The following RIC1 variants were observed in gnomAD, a reference collection of about 807,000 sequenced individuals.
RIC1 encodes RIC1 partner of RAB6A GEF complex.
Under a neutral mutation model 169.0 loss-of-function variants are expected in RIC1, and 88 were observed. The observed-to-expected ratio is 0.52, with a 90% CI of 0.44 to 0.62. RIC1 has a LOEUF of 0.62. RIC1 is among the 20% of genes least tolerant of loss of function. RIC1 has a pLI of 0.00. For missense variants in RIC1, 1,877 were observed against 1,725.5 expected, an observed-to-expected ratio of 1.09 and a Z score of -1.56; for synonymous variants, 790 against 601.5, an observed-to-expected ratio of 1.31 and a Z score of -4.59.
intron 3 of RIC1, among the ~76,000 whole-genome samples, chr9:5,709,249 G>A (rs1333495629): frequency 2.6e-5 from 4 of 152,190 alleles, no homozygotes; most frequent in East Asian, 1.9e-4. Flanking sequence ...GTCCAGATAC[G>A]AAAAACATTA....
At chr9:5,649,787 C>T (rs1586878989) in intron 1 of RIC1, among the ~76,000 whole-genome samples, 1 of 151,254 alleles carries the variant, frequency 6.6e-6, no homozygotes, top group South Asian at 2.1e-4. Flanking sequence ...GATGTCTGTA[C>T]CTCTGGTGTA....
Position 5,733,181 on chromosome 9 carries a change from A to G in RIC1, c.812+702A>G, listed in dbSNP as rs546978995. Reference sequence around the variant, plus strand: ...AATAAAAAATCCTATGTTGCCCTCAAAATGAGACTTGGTTGTTCTATAGAA... The same window carrying G: ...AATAAAAAATCCTATGTTGCCCTCAGAATGAGACTTGGTTGTTCTATAGAA... On this transcript the variant is annotated intron_variant, in intron 7 of 25. Coordinates refer to ENST00000414202, the MANE Select transcript of RIC1 (RefSeq NM_020829.4). Among the ~76,000 whole-genome samples the G allele has an allele frequency of 1.7e-4, 26 of 152,074 alleles. No homozygotes were observed. The South Asian group carries it at 3.5e-3, about 21-fold the overall frequency.
intron 2 of RIC1, among the ~76,000 whole-genome samples, chr9:5,659,371 ATGTCAACCCAT>A (rs1425674361): frequency 3.9e-5 from 6 of 152,262 alleles, no homozygotes; most frequent in Non-Finnish European, 7.4e-5. Context: ...GATATAAGTC[ATGTCAACCCAT>A]TGTCAACCCA....
chr9:5,695,922 C>T (rs903340923), intron 3 of RIC1, among the ~76,000 whole-genome samples: 4 of 151,264 alleles, frequency 2.6e-5, no homozygotes, highest in Non-Finnish European at 4.4e-5. Context: ...TCACTTACCC[C>T]CTGCCAAGCC....
intron 1 of RIC1, among the ~76,000 whole-genome samples, chr9:5,650,047 G>A (rs552824405): frequency 2.0e-5 from 3 of 152,260 alleles, no homozygotes; most frequent in Admixed American, 6.5e-5. Flanking sequence ...TGCTAGGTAG[G>A]CCAGTCCTTG....
In RIC1 at chr9:5,705,870, C is replaced by T. The variant is rs117296097; in HGVS notation, c.333-8026C>T. On this transcript the variant is annotated intron_variant, in intron 3 of 25. Transcript: ENST00000414202. Reference sequence around the variant, plus strand: ...TCTTAAAAGATTATTACTATTTTTTCAGATGCTTTTTCTGCATGAATTGAA... The same window carrying T: ...TCTTAAAAGATTATTACTATTTTTTTAGATGCTTTTTCTGCATGAATTGAA... Among the ~76,000 whole-genome samples the T allele has an allele frequency of 7.4e-3, 1,121 of 152,200 alleles. 7 individuals are homozygous for T. Among genetic ancestry groups the T allele is most frequent in the Non-Finnish European group, 0.01 (694 of 68,002 alleles).
chr9:5,631,032 T>C (rs1015311739), intron 1 of RIC1, among the ~76,000 whole-genome samples: 1 of 152,210 alleles, frequency 6.6e-6, no homozygotes, highest in Non-Finnish European at 1.5e-5. Context: ...CTAACTTAAT[T>C]TTAAATAAAA....
At chr9:5,769,776 G>A (rs951277985) in intron 22 of RIC1, 3 of 273,658 alleles carry the variant, frequency 1.1e-5, no homozygotes, top group Non-Finnish European at 2.0e-5. Context: ...TTTTAACTTT[G>A]GCATTTGGAA....
chr9:5,739,048 A>C (rs1464462157), intron 8 of RIC1, among the ~76,000 whole-genome samples: 1 of 152,096 alleles, frequency 6.6e-6, no homozygotes, highest in South Asian at 2.1e-4. Context: ...GAGAAGTGCA[A>C]TTATAGGGTT....
chr9:5,727,661 C>T (rs985516799), intron 6 of RIC1, among the ~76,000 whole-genome samples: 1 of 152,144 alleles, frequency 6.6e-6, no homozygotes, highest in African/African-American at 2.4e-5. Flanking sequence ...CTGGTTTCTC[C>T]CCATCTTTGG....
intron 6 of RIC1, among the ~76,000 whole-genome samples, chr9:5,721,651 G>A (rs1178518682): frequency 6.6e-6 from 1 of 152,148 alleles, no homozygotes. Flanking sequence ...GGCACTTTTT[G>A]GGCTTGAAAG....
chr9:5,671,695 AGAAGATAG>A (rs2130570507), intron 2 of RIC1, among the ~76,000 whole-genome samples: 1 of 152,304 alleles, frequency 6.6e-6, no homozygotes, highest in South Asian at 2.1e-4. Context: ...CTAAATTCTG[AGAAGATAG>A]AAGGACTAAG....
chr9:5,637,709 G>A (rs190190028), intron 1 of RIC1, among the ~76,000 whole-genome samples: 8 of 152,110 alleles, frequency 5.3e-5, no homozygotes, highest in African/African-American at 1.7e-4. Context: ...GAGAACATGC[G>A]ATGTTTGTCT....
chr9:5,709,493 G>A (rs1475803714), intron 3 of RIC1, among the ~76,000 whole-genome samples: 2 of 152,200 alleles, frequency 1.3e-5, no homozygotes, highest in Non-Finnish European at 2.9e-5. Context: ...CTCTGAAAAA[G>A]TGGAGATAAT....
intron 21 of RIC1, among the ~76,000 whole-genome samples, chr9:5,766,213 C>G (rs1481980780): frequency 6.6e-6 from 1 of 152,062 alleles, no homozygotes; most frequent in African/African-American, 2.4e-5. Flanking sequence ...GGCTAATTTT[C>G]ATATTTTTAG....
intron 2 of RIC1, among the ~76,000 whole-genome samples, chr9:5,683,929 T>A (rs1821029534): frequency 6.6e-6 from 1 of 152,194 alleles, no homozygotes. Context: ...TCCGTGGGCA[T>A]AGGACCCTCC....
At chr9:5,737,686 T>A (rs1824808307) in intron 7 of RIC1, among the ~76,000 whole-genome samples, 1 of 151,704 alleles carries the variant, frequency 6.6e-6, no homozygotes. Flanking sequence ...GTTGAAAAAT[T>A]TACATATAAC....
At chr9:5,749,821 C>G (rs1825617868) in intron 12 of RIC1, among the ~76,000 whole-genome samples, 2 of 127,564 alleles carry the variant, frequency 1.6e-5, no homozygotes, top group Non-Finnish European at 3.1e-5. Context: ...CTTTGTTGCC[C>G]AGGCTGGAGT....
Position 5,763,195 on chromosome 9 carries a change from C to A in RIC1, c.2168C>A (p.Thr723Lys). 1 of 1,614,040 alleles carries A rather than the reference C, an allele frequency of 6.2e-7. No homozygotes were observed. The highest frequency in any genetic ancestry group is 8.5e-7 in the Non-Finnish European group (1 of 1,179,960). Residue 723 changes from threonine to lysine, a missense_variant, in exon 19 of 26, where the codon ACG (threonine) becomes AAG (lysine). Around this residue, in one of 3 missense-constraint regions of RIC1, gnomAD observed 1,104 missense variants for 992.0 expected, o/e 1.11. Transcript: ENST00000414202. The surrounding 1 kb of genome is among the most constrained non-coding windows in gnomAD (Gnocchi z 5.2). ...CAGTCTGTTGAAAATGTCTGGACAACGTGTCGAGCAAATAAACAGAAACGT... is the reference window on the plus strand; with the variant it reads ...CAGTCTGTTGAAAATGTCTGGACAAAGTGTCGAGCAAATAAACAGAAACGT... ...LAQSVENVWT[T>K]CRANKQKRHL...
Sources: allele counts gnomAD v4.1 joint callset (sites outside exome capture counted in the v4.1 genomes callset), GRCh38; gene constraint gnomAD v4.1.1; regional missense constraint gnomAD v4.1.1; non-coding constraint Gnocchi (gnomAD v3.1); transcripts MANE v1.5; gene names NCBI Gene and HGNC (gene_info 2026-07-23, HGNC 2026-07-21).